The following CTCF variants were observed in gnomAD, a reference collection of about 807,000 sequenced individuals.
CTCF encodes the protein CCCTC-binding factor, also known as transcriptional repressor CTCF.
Under a neutral mutation model 72.3 loss-of-function variants are expected in CTCF, and 7 were observed. That is an observed-to-expected ratio of 0.10 (90% CI 0.06 to 0.18). The LOEUF is 0.18. Among genes scored for constraint, CTCF ranks in the 10% least tolerant of loss-of-function variants. The pLI is 1.00. For missense variants in CTCF, 516 were observed against 949.1 expected (o/e 0.54, Z 6.00); for synonymous variants, 374 against 315.8 (o/e 1.18, Z -1.95).
At chr16:67,615,324 CT>C (rs1228881687) in intron 4 of CTCF, 2 of 152,262 alleles carry the variant, frequency 1.3e-5, no homozygotes, top group East Asian at 3.9e-4. Context: ...TTACTTTGTT[CT>C]AAAAGAAGAC....
At chr16:67,608,711 G>A (rs2052012493) in intron 2 of CTCF, among the ~76,000 whole-genome samples, 1 of 151,078 alleles carries the variant, frequency 6.6e-6, no homozygotes, top group Non-Finnish European at 1.5e-5. Context: ...CAAAATACAA[G>A]GAAATTTTGG....
intron 1 of CTCF, 69 bp downstream of exon 1, chr16:67,562,793 C>G (rs1246296929): frequency 1.4e-5 from 2 of 143,592 alleles, no homozygotes; most frequent in African/African-American, 2.5e-5. Context: ...CCGCTCCGGT[C>G]GGCGCTGGCT....
At chr16:67,598,647 C>T (rs906058988) in intron 2 of CTCF, among the ~76,000 whole-genome samples, 19 of 152,230 alleles carry the variant, frequency 1.2e-4, no homozygotes, top group Non-Finnish European at 2.5e-4. Flanking sequence ...AAGTATTTAA[C>T]TCCCAGTGCA....
intron 7 of CTCF, among the ~76,000 whole-genome samples, chr16:67,624,412 T>C (rs893316402): frequency 4.6e-5 from 7 of 152,074 alleles, no homozygotes; most frequent in African/African-American, 1.7e-4. Context: ...TCCTAAGAGA[T>C]GACTTGATCT....
At chr16:67,582,990 T>C (rs1215493386) in intron 2 of CTCF, among the ~76,000 whole-genome samples, 1 of 151,096 alleles carries the variant, frequency 6.6e-6, no homozygotes, top group Admixed American at 6.6e-5. Flanking sequence ...TTTCTTTTTT[T>C]TTTTTTTTGA....
chr16:67,624,071 A>ATGTGTTTGTG (rs2052242891), intron 7 of CTCF, among the ~76,000 whole-genome samples: 1 of 117,614 alleles, frequency 8.5e-6, no homozygotes, highest in African/African-American at 3.4e-5. Context: ...AAAATTATAT[A>ATGTGTTTGTG]TGTGTGTGTG....
chr16:67,613,604 C>T (rs1352426788), intron 4 of CTCF, among the ~76,000 whole-genome samples: 3 of 152,022 alleles, frequency 2.0e-5, no homozygotes, highest in African/African-American at 7.2e-5. Flanking sequence ...GCAAAACCGC[C>T]TCTGTACTGA....
At chr16:67,572,352 A>C (rs377519162) in intron 2 of CTCF, 2 of 152,208 alleles carry the variant, frequency 1.3e-5, no homozygotes, top group Non-Finnish European at 2.9e-5. Context: ...TGATTTAAAA[A>C]CTATTGAGAA....
At chr16:67,563,285 C>G (rs972521562) in intron 1 of CTCF, 1 of 152,376 alleles carries the variant, frequency 6.6e-6, no homozygotes, top group Non-Finnish European at 1.5e-5. Context: ...GCCCCGTCCC[C>G]GGAACCTACC....
At chr16:67,598,970 G>A (rs905847199) in intron 2 of CTCF, among the ~76,000 whole-genome samples, 2 of 152,354 alleles carry the variant, frequency 1.3e-5, no homozygotes, top group Non-Finnish European at 2.9e-5. Context: ...GAGACAGCAA[G>A]TGTTAAGTTG....
At chr16:67,578,535 G>A (rs1448163812) in intron 2 of CTCF, among the ~76,000 whole-genome samples, 5 of 151,598 alleles carry the variant, frequency 3.3e-5, no homozygotes, top group Non-Finnish European at 7.4e-5. Flanking sequence ...ATTTCACCGT[G>A]TTGGCCAGGC....
intron 2 of CTCF, among the ~76,000 whole-genome samples, chr16:67,582,907 G>A (rs550876205): frequency 1.2e-4 from 18 of 151,566 alleles, no homozygotes; most frequent in African/African-American, 2.9e-4. Flanking sequence ...ATCCTATCAC[G>A]TATATAGCTG....
chr16:67,635,100 C>T (rs1273818030), intron 10 of CTCF, among the ~76,000 whole-genome samples: 1 of 152,048 alleles, frequency 6.6e-6, no homozygotes, highest in Non-Finnish European at 1.5e-5. Flanking sequence ...TGGCTCACTG[C>T]AACCTCTGCC....
intron 2 of CTCF, among the ~76,000 whole-genome samples, chr16:67,596,368 G>A (rs868420678): frequency 8.6e-5 from 13 of 151,920 alleles, no homozygotes; most frequent in African/African-American, 2.7e-4. Context: ...TTATTCATCT[G>A]CCATTTGTGT....
chr16:67,620,023 T>C (rs1461915875), intron 5 of CTCF, among the ~76,000 whole-genome samples: 1 of 152,140 alleles, frequency 6.6e-6, no homozygotes, highest in African/African-American at 2.4e-5. Context: ...ACGCTAATGA[T>C]AGGAAAAGAG....
chr16:67,623,632 CA>C (rs577891033), intron 7 of CTCF, among the ~76,000 whole-genome samples: 141 of 138,194 alleles, frequency 1.0e-3, no homozygotes, highest in East Asian at 1.2e-3. Flanking sequence ...GACCCCATCT[CA>C]AAAAAAAAAA....
chr16:67,570,729 C>T (rs1471004745), intron 1 of CTCF: 1 of 150,740 alleles, frequency 6.6e-6, no homozygotes, highest in Non-Finnish European at 1.5e-5. Flanking sequence ...GCATGAGCCA[C>T]CGCGCCTGGC....
At chr16:67,607,634 A>G (rs963176673) in intron 2 of CTCF, among the ~76,000 whole-genome samples, 8 of 152,072 alleles carry the variant, frequency 5.3e-5, no homozygotes, top group Non-Finnish European at 8.8e-5. Context: ...GCCAAAAACT[A>G]TGAATTGGCT....
rs191634027 is a variant in CTCF at position 67,638,673 on chromosome 16, G to A, written c.*801G>A. On this transcript the variant is annotated 3_prime_UTR_variant, in exon 12 of 12. Coordinates refer to ENST00000264010, the MANE Select transcript of CTCF (RefSeq NM_006565.4). ...CCCACGGAGCCAGCATTTGAACCTTGTATAATTAACTTTCAGTTATGATTT... is the reference window on the plus strand; with the variant it reads ...CCCACGGAGCCAGCATTTGAACCTTATATAATTAACTTTCAGTTATGATTT... The A allele has an allele frequency of 1.3e-5, 3 of 230,444 alleles. No individual in the cohort carries two copies. The highest frequency in any genetic ancestry group is 2.6e-5 in the Non-Finnish European group (3 of 116,152). The allele number at this position is 230,444 out of a possible 1,614,324, so 14.3% of individuals were successfully genotyped here.
Sources: allele counts gnomAD v4.1 joint callset (sites outside exome capture counted in the v4.1 genomes callset), GRCh38; gene constraint gnomAD v4.1.1; transcripts MANE v1.5; gene names NCBI Gene and HGNC (gene_info 2026-07-23, HGNC 2026-07-21).